ADAMTS3: variants seen among roughly 807,000 people sequenced by gnomAD.
ADAMTS3 encodes A disintegrin and metalloproteinase with thrombospondin motifs 3.
A neutral mutation model predicts 129.0 loss-of-function variants in ADAMTS3; 73 were observed. The ratio of observed to expected loss-of-function variants is 0.57; its 90% CI spans 0.47 to 0.69. The LOEUF is 0.69. Among genes scored for constraint, ADAMTS3 ranks in the 30% least tolerant of loss-of-function variants. The pLI is 0.00. For synonymous variants in ADAMTS3, 477 were observed against 510.8 expected (o/e 0.93, Z 0.89); for missense variants, 1,457 against 1,514.5 (o/e 0.96, Z 0.63).
intron 3 of ADAMTS3, among the ~76,000 whole-genome samples, chr4:72,487,661 AG>A (rs1458202647): frequency 1.3e-5 from 2 of 152,228 alleles, no homozygotes; most frequent in Non-Finnish European, 2.9e-5. Context: ...CTACATATTC[AG>A]TCTTGTATTC....
At chr4:72,509,985 T>A (rs1720270431) in intron 3 of ADAMTS3, among the ~76,000 whole-genome samples, 1 of 151,742 alleles carries the variant, frequency 6.6e-6, no homozygotes, top group South Asian at 2.1e-4. Context: ...GCGTGATACA[T>A]CATATCAACA....
At chr4:72,437,141 T>C (rs1290664679) in intron 3 of ADAMTS3, among the ~76,000 whole-genome samples, 1 of 151,888 alleles carries the variant, frequency 6.6e-6, no homozygotes, top group Non-Finnish European at 1.5e-5. Flanking sequence ...CTACAAATTG[T>C]GATGTGAGTA....
intron 3 of ADAMTS3, among the ~76,000 whole-genome samples, chr4:72,443,358 G>A (rs1367556952): frequency 6.6e-6 from 1 of 151,628 alleles, no homozygotes; most frequent in African/African-American, 2.4e-5. Flanking sequence ...GTTAAGCACT[G>A]TGCTAGGAGT....
At chr4:72,530,032 A>T (rs868341288) in intron 3 of ADAMTS3, among the ~76,000 whole-genome samples, 5 of 94 alleles carry the variant, frequency 0.053, 2 homozygotes, top group African/African-American at 0.23. Flanking sequence ...TTATATATAA[A>T]TATAATATAT....
chr4:72,298,895 G>A (rs1353053580), intron 17 of ADAMTS3, among the ~76,000 whole-genome samples: 4 of 150,882 alleles, frequency 2.7e-5, no homozygotes, highest in Non-Finnish European at 4.4e-5. Flanking sequence ...TGTCTTCAAC[G>A]GAAATTGTTG....
Position 72,288,819 on chromosome 4 carries a change from C to T in ADAMTS3, c.2981G>A (p.Arg994Lys), listed in dbSNP as rs907157575. 4.9e-5 allele frequency: 79 copies of T among 1,613,790 alleles called. No individual in the cohort carries two copies. The highest frequency in any genetic ancestry group is 6.6e-5 in the Non-Finnish European group (78 of 1,179,976). ...TTCACCATCACAGTGGTCCCCAGCC[C>T]TGCAGAGGACCTGCCTCACCTCCGT... is the stretch of plus-strand genomic sequence containing the variant. ...EGTEVRQVLCRAGDHCDGEKP... is the reference protein window; with the variant it reads ...EGTEVRQVLCKAGDHCDGEKP... The change falls in exon 21 of 22, where the codon AGG becomes AAG. Residue 994 changes from arginine (R) to lysine (K), a missense_variant. By Grantham distance (26) the Arg-to-Lys change is conservative (BLOSUM62 2). Coordinates refer to ENST00000286657, the MANE Select transcript of ADAMTS3 (RefSeq NM_014243.3).
Position 72,448,943 on chromosome 4 carries a change from T to C in ADAMTS3, c.505-33972A>G, listed in dbSNP as rs184263468. ...AAATTAGTACCTAAGTTTGTATTAA[T>C]AATCCTGTATTATTTTTCTTTAAAA... On this transcript the variant is annotated intron_variant, in intron 3 of 21. Coordinates refer to ENST00000286657, the MANE Select transcript of ADAMTS3 (RefSeq NM_014243.3). 6.6e-5 allele frequency among the ~76,000 whole-genome samples: 10 copies of C among 151,872 alleles called. No individual in the cohort carries two copies. The East Asian group carries it at 2.0e-3, about 30-fold the overall frequency.
chr4:72,515,228 T>C (rs1169380834), intron 3 of ADAMTS3, among the ~76,000 whole-genome samples: 1 of 152,130 alleles, frequency 6.6e-6, no homozygotes, highest in Non-Finnish European at 1.5e-5. Flanking sequence ...CTTAATCCAC[T>C]CTATCATTGT....
intron 4 of ADAMTS3, among the ~76,000 whole-genome samples, chr4:72,355,808 A>G (rs1166777732): frequency 6.6e-6 from 1 of 152,018 alleles, no homozygotes; most frequent in African/African-American, 2.4e-5. Context: ...TTATAATAGC[A>G]CAAATGACTA....
At chr4:72,434,065 A>G (rs1722761403) in intron 3 of ADAMTS3, among the ~76,000 whole-genome samples, 1 of 151,804 alleles carries the variant, frequency 6.6e-6, no homozygotes, top group Non-Finnish European at 1.5e-5. Flanking sequence ...CCAGCCTTCA[A>G]GCTTGAGTAC....
chr4:72,529,566 T>C (rs1233654091), intron 3 of ADAMTS3, among the ~76,000 whole-genome samples: 1 of 146,898 alleles, frequency 6.8e-6, no homozygotes, highest in Non-Finnish European at 1.5e-5. Flanking sequence ...AGATGGGATC[T>C]CGATATATAC....
At chr4:72,506,819 G>A (rs953872609) in intron 3 of ADAMTS3, among the ~76,000 whole-genome samples, 11 of 152,120 alleles carry the variant, frequency 7.2e-5, no homozygotes, top group Non-Finnish European at 2.9e-5. Context: ...GTGGCTGTTT[G>A]CCCACATTTT....
chr4:72,312,637 C>A (rs188693191), intron 12 of ADAMTS3, among the ~76,000 whole-genome samples, 171 bp from the exon 13 acceptor site: 2 of 152,154 alleles, frequency 1.3e-5, no homozygotes, highest in East Asian at 3.9e-4. Context: ...TCTCTCCCTG[C>A]TGGGTGGAAA....
At chr4:72,298,838 A>T (rs919336053) in intron 17 of ADAMTS3, among the ~76,000 whole-genome samples, 6 of 151,862 alleles carry the variant, frequency 4.0e-5, no homozygotes, top group African/African-American at 1.4e-4. Flanking sequence ...TTAAATTTTT[A>T]AATTTTTTGA....
At chr4:72,518,520 C>G (rs1469961643) in intron 3 of ADAMTS3, among the ~76,000 whole-genome samples, 1 of 151,924 alleles carries the variant, frequency 6.6e-6, no homozygotes, top group East Asian at 1.9e-4. Context: ...TCTGGGTGCT[C>G]CTGTATTGGG....
intron 3 of ADAMTS3, among the ~76,000 whole-genome samples, chr4:72,476,560 C>A (rs1719239309): frequency 1.3e-5 from 2 of 152,014 alleles, no homozygotes; most frequent in Admixed American, 1.3e-4. Context: ...TTAACATCAA[C>A]TCTATACAAT....
intron 3 of ADAMTS3, among the ~76,000 whole-genome samples, chr4:72,526,570 A>ATGTGTGTGTGTGTG (rs56774889): frequency 4.5e-4 from 59 of 132,058 alleles, no homozygotes; most frequent in East Asian, 2.5e-3. Context: ...AATGAAATTT[A>ATGTGTGTGTGTGTG]TGTGTGTGTG....
chr4:72,321,238 C>A (rs1170363982), intron 6 of ADAMTS3, among the ~76,000 whole-genome samples: 2 of 152,142 alleles, frequency 1.3e-5, no homozygotes, highest in Non-Finnish European at 2.9e-5. Flanking sequence ...GTGGCACCAT[C>A]TGGACTCACT....
intron 19 of ADAMTS3, among the ~76,000 whole-genome samples, chr4:72,292,706 T>G (rs1718706806): frequency 6.6e-6 from 1 of 152,224 alleles, no homozygotes; most frequent in South Asian, 2.1e-4. Context: ...TAATTCAGGC[T>G]AAAATGGATT....
Sources: allele counts gnomAD v4.1 joint callset (sites outside exome capture counted in the v4.1 genomes callset), GRCh38; gene constraint gnomAD v4.1.1; transcripts MANE v1.5; gene names NCBI Gene and HGNC (gene_info 2026-07-23, HGNC 2026-07-21).